Variants in SPIRE1 observed in about 807,000 individuals in gnomAD.
The protein encoded by SPIRE1 is spire type actin nucleation factor 1.
In SPIRE1, 40 loss-of-function variants were observed where a neutral mutation model predicts 94.1. The ratio of observed to expected loss-of-function variants is 0.43; its 90% CI spans 0.33 to 0.55. The LOEUF (loss-of-function observed/expected upper bound fraction) is 0.55, where lower values mean the gene tolerates loss of function less well. SPIRE1 is among the 20% of genes least tolerant of loss of function. SPIRE1 has a pLI of 0.06. For missense variants in SPIRE1, 838 were observed against 975.2 expected (o/e 0.86, Z 1.87); for synonymous variants, 376 against 371.7 (o/e 1.01, Z -0.13).
chr18:12,612,114 G>A (rs929508904), intron 2 of SPIRE1, among the ~76,000 whole-genome samples: 5 of 151,772 alleles, frequency 3.3e-5, no homozygotes, highest in Non-Finnish European at 7.4e-5. Context: ...TTGCCCTCAC[G>A]CTACCCAGCT....
chr18:12,479,825 C>T lies in SPIRE1; in HGVS notation c.1278G>A (p.Met426Ile). 6.2e-7 allele frequency: 1 copy of T among 1,614,088 alleles called. No individual in the cohort carries two copies. The highest frequency in any genetic ancestry group is 8.5e-7 in the Non-Finnish European group (1 of 1,179,984). ...ESTKNLVESSMVNGGLTSQTK... is the reference protein window; with the variant it reads ...ESTKNLVESSIVNGGLTSQTK... ...TTTGTGATGTCAAACCTCCATTCAC[C>T]ATAGATGACTCCACAAGATTCTTTG... Residue 426 changes from methionine (M) to isoleucine (I), a missense_variant, in exon 10 of 17, where the codon ATG becomes ATA. Met to Ile is a conservative substitution (Grantham distance 10). Around this residue, in one of 2 missense-constraint regions of SPIRE1, gnomAD observed 645 missense variants for 804.7 expected, o/e 0.80. Transcript: ENST00000409402.
chr18:12,657,855 C>T lies in SPIRE1; in HGVS notation c.12G>A (p.Ala4=), dbSNP rs2038602595. ...GCTCCCCGCCGCCCGCCGGGCCAGCCGCCTGAGCCATCCCGCGGGTGGGCG... is the reference window on the plus strand; with the variant it reads ...GCTCCCCGCCGCCCGCCGGGCCAGCTGCCTGAGCCATCCCGCGGGTGGGCG... MAQ[A]AGPAGGGEPR... is the part of the protein sequence containing the mutation. Residue 4 remains alanine, a synonymous_variant, in exon 1 of 17, where the codon GCG becomes GCA. Coordinates refer to ENST00000409402, the MANE Select transcript of SPIRE1 (RefSeq NM_001128626.2). The T allele has an allele frequency of 4.6e-6, 5 of 1,095,442 alleles. No homozygotes were observed. The African/African-American group carries it at 5.0e-5, about 11-fold the overall frequency. The allele number at this position is 1,095,442 out of a possible 1,614,324, so 67.9% of individuals were successfully genotyped here.
Position 12,506,571 on chromosome 18 carries a change from T to C in SPIRE1, c.878A>G (p.Gln293Arg), listed in dbSNP as rs146843168. Residue 293 changes from glutamine (Q) to arginine (R), a missense_variant, in exon 6 of 17, where the codon CAG becomes CGG. Coordinates refer to ENST00000409402, the MANE Select transcript of SPIRE1 (RefSeq NM_001128626.2). Reference protein sequence around the residue: ...GVKLKKVQERQYNPLPIEYQL... With the variant: ...GVKLKKVQERRYNPLPIEYQL... Reference sequence around the variant, plus strand: ...ATATTCAATGGGCAAAGGGTTGTACTGCCGCTCTTGGACCTTCTTAAGTTT... The same window carrying C: ...ATATTCAATGGGCAAAGGGTTGTACCGCCGCTCTTGGACCTTCTTAAGTTT... 3.7e-6 allele frequency: 6 copies of C among 1,613,990 alleles called. No individual in the cohort carries two copies. Among genetic ancestry groups the C allele is most frequent in the Non-Finnish European group, 5.1e-6 (6 of 1,179,992 alleles).
chr18:12,526,092 C>CACACACACACACACACACACACACAG (rs765621602), intron 4 of SPIRE1, among the ~76,000 whole-genome samples: 22 of 148,968 alleles, frequency 1.5e-4, no homozygotes, highest in African/African-American at 4.7e-4. Flanking sequence ...CACACACACA[C>CACACACACACACACACACACACACAG]AGAGATGTAT....
intron 1 of SPIRE1, among the ~76,000 whole-genome samples, chr18:12,642,936 A>T (rs1420860895): frequency 1.3e-5 from 2 of 152,222 alleles, no homozygotes; most frequent in Non-Finnish European, 2.9e-5. Context: ...GTAAAATTTT[A>T]AAAAAGAAGA....
intron 12 of SPIRE1, among the ~76,000 whole-genome samples, chr18:12,462,575 A>G (rs1436750851): frequency 2.0e-5 from 3 of 152,184 alleles, no homozygotes; most frequent in Admixed American, 2.0e-4. Context: ...GTCTCTGGAA[A>G]ACAGCAAAAA....
intron 3 of SPIRE1, among the ~76,000 whole-genome samples, chr18:12,545,889 T>C (rs2035147622): frequency 1.3e-5 from 2 of 152,180 alleles, no homozygotes; most frequent in African/African-American, 4.8e-5. Context: ...GTATATAATA[T>C]CTAAAAGCGG....
At chr18:12,483,671 A>T (rs1429580906) in intron 9 of SPIRE1, among the ~76,000 whole-genome samples, 2 of 152,206 alleles carry the variant, frequency 1.3e-5, no homozygotes, top group African/African-American at 4.8e-5. Flanking sequence ...TTTCTAAGAT[A>T]TACTTAAGCA....
chr18:12,596,967 T>C (rs1227799658), intron 2 of SPIRE1, among the ~76,000 whole-genome samples: 1 of 152,086 alleles, frequency 6.6e-6, no homozygotes, highest in Non-Finnish European at 1.5e-5. Context: ...ACCTTAAGAA[T>C]GAGCAACCCG....
At chr18:12,632,702 C>CT (rs897486995) in intron 2 of SPIRE1, among the ~76,000 whole-genome samples, 9 of 150,906 alleles carry the variant, frequency 6.0e-5, no homozygotes, top group Non-Finnish European at 1.0e-4. Context: ...CAAATTTTTA[C>CT]TTTTTTTTTA....
chr18:12,580,736 T>A (rs2036233170), intron 2 of SPIRE1, among the ~76,000 whole-genome samples: 1 of 152,140 alleles, frequency 6.6e-6, no homozygotes, highest in African/African-American at 2.4e-5. Flanking sequence ...TCCTCATAAC[T>A]CTCAGTCACA....
intron 1 of SPIRE1, among the ~76,000 whole-genome samples, chr18:12,642,854 G>T (rs1187533994): frequency 2.6e-5 from 4 of 152,142 alleles, no homozygotes; most frequent in Non-Finnish European, 5.9e-5. Context: ...GACAGGTGCA[G>T]CAAACCAGCA....
chr18:12,478,447 T>C (rs991964588), intron 10 of SPIRE1, among the ~76,000 whole-genome samples: 7 of 148,126 alleles, frequency 4.7e-5, no homozygotes, highest in Admixed American at 4.7e-4. Context: ...TGTGTGTGTG[T>C]AGCTAGGGTG....
intron 1 of SPIRE1, among the ~76,000 whole-genome samples, chr18:12,637,169 C>T (rs1029263581): frequency 6.6e-6 from 1 of 152,070 alleles, no homozygotes; most frequent in African/African-American, 2.4e-5. Context: ...ACTATCCTGG[C>T]TAACATGGTG....
intron 2 of SPIRE1, among the ~76,000 whole-genome samples, chr18:12,624,000 T>C (rs2037550062): frequency 6.6e-6 from 1 of 150,984 alleles, no homozygotes; most frequent in African/African-American, 2.4e-5. Context: ...CTCGGCTCAC[T>C]GCAACCTCTG....
At chr18:12,485,828 T>G (rs1362687308) in intron 9 of SPIRE1, 131 bp downstream of exon 9, 3 of 679,444 alleles carry the variant, frequency 4.4e-6, no homozygotes, top group Non-Finnish European at 7.7e-6. Flanking sequence ...TGTTTTATTT[T>G]ACTGACCACG....
At chr18:12,529,399 A>T (rs1306384420) in intron 4 of SPIRE1, among the ~76,000 whole-genome samples, 1 of 151,980 alleles carries the variant, frequency 6.6e-6, no homozygotes, top group Non-Finnish European at 1.5e-5. Flanking sequence ...TATGTGCTGA[A>T]TATATAAAGG....
At chr18:12,492,964 G>A in intron 8 of SPIRE1, 108 bp downstream of exon 8, 1 of 1,305,726 alleles carries the variant, frequency 7.7e-7, no homozygotes, top group Non-Finnish European at 1.0e-6. Flanking sequence ...GTGAGATACA[G>A]AGAAATGAAC....
At chr18:12,606,407 CAA>C (rs2036977399) in intron 2 of SPIRE1, among the ~76,000 whole-genome samples, 2 of 152,010 alleles carry the variant, frequency 1.3e-5, no homozygotes. Context: ...AGAAAAGAAA[CAA>C]AGAAAAAGGA....
Sources: gnomAD v4.1 joint callset for allele counts (sites outside exome capture counted in the v4.1 genomes callset) on GRCh38, gnomAD v4.1.1 for gene constraint, gnomAD v4.1.1 regional missense constraint, MANE v1.5 for transcripts, NCBI Gene and HGNC (gene_info 2026-07-23, HGNC 2026-07-21) for gene names.